TMEM198: variants seen among roughly 807,000 people sequenced by gnomAD.
TMEM198 encodes the protein transmembrane protein 198.
Under a neutral mutation model 31.5 loss-of-function variants are expected in TMEM198, and 21 were observed. The observed-to-expected ratio is 0.67, with a 90% confidence interval of 0.47 to 0.96. TMEM198 has a LOEUF of 0.96. Among genes scored for constraint, TMEM198 ranks in the 40% least tolerant of loss-of-function variants. The pLI, the probability that TMEM198 is intolerant of heterozygous loss-of-function variation, is 0.00. For missense variants in TMEM198, 447 were observed against 499.4 expected, an observed-to-expected ratio of 0.89 and a Z score of 1.00; for synonymous variants, 211 against 223.3, an observed-to-expected ratio of 0.95 and a Z score of 0.49.
Position 219,547,602 on chromosome 2 carries a change from C to G in TMEM198, c.263C>G (p.Thr88Arg). 2.7e-6 allele frequency: 4 copies of G among 1,482,338 alleles called. No homozygotes were observed. In the East Asian group the frequency reaches 7.2e-5, roughly 27 times the overall value. 91.8% of individuals were successfully genotyped at this position (1,482,338 alleles called of 1,614,324 possible). Residue 88 changes from threonine (T) to arginine (R), a missense_variant, in exon 3 of 5, where the codon ACA becomes AGA. Coordinates refer to ENST00000373883, the MANE Select transcript of TMEM198 (RefSeq NM_001005209.3). ...LLCYRERVLE[T>R]QLSAGASAGI... ...TGCTACCGAGAGCGGGTGCTAGAGACACAGCTGAGTGCTGGGGCGAGCGCG... is the reference window on the plus strand; with the variant it reads ...TGCTACCGAGAGCGGGTGCTAGAGAGACAGCTGAGTGCTGGGGCGAGCGCG...
At chr2:219,545,897 GAAC>G (rs1431071913) in intron 2 of TMEM198, among the ~76,000 whole-genome samples, 1 of 152,156 alleles carries the variant, frequency 6.6e-6, no homozygotes, top group African/African-American at 2.4e-5. Flanking sequence ...ACTCTGGGCT[GAAC>G]AACTGAAGAG....
intron 2 of TMEM198, chr2:219,547,304 C>A: frequency 2.2e-6 from 1 of 459,068 alleles, no homozygotes; most frequent in Non-Finnish European, 3.8e-6. Flanking sequence ...CATTGACCAC[C>A]AACAGCCATA....
intron 1 of TMEM198, 135 bp downstream of exon 1, chr2:219,544,512 A>G (rs981426166): frequency 9.8e-6 from 6 of 614,940 alleles, no homozygotes; most frequent in Non-Finnish European, 2.9e-6. Flanking sequence ...TCCACTAGCC[A>G]GGCACTTTTG....
At chr2:219,547,018 T>C (rs900433990) in intron 2 of TMEM198, among the ~76,000 whole-genome samples, 7 of 152,054 alleles carry the variant, frequency 4.6e-5, no homozygotes, top group African/African-American at 1.7e-4. Flanking sequence ...GACCTCATGA[T>C]TCACCCGCCT....
In TMEM198 at chr2:219,547,792, G is replaced by A. The variant is rs774538875; in HGVS notation, c.453G>A (p.Gly151=). 6.3e-7 allele frequency: 1 copy of A among 1,593,114 alleles called. No individual in the cohort carries two copies. The highest frequency in any genetic ancestry group is 8.5e-7 in the Non-Finnish European group (1 of 1,176,128). ...YQPGSVWGPL[G]LLLGGGLLCA... ...CAGGCTCCGTGTGGGGTCCACTGGG[G>A]CTGTTGCTGGGGGGCGGCCTGCTCT... Residue 151 remains glycine (G), a synonymous_variant, in exon 3 of 5, where the codon GGG becomes GGA. Transcript: ENST00000373883.
At chr2:219,544,975 A>G (rs1695362714) in intron 2 of TMEM198, 82 bp downstream of exon 2, 2 of 1,498,882 alleles carry the variant, frequency 1.3e-6, no homozygotes, top group Non-Finnish European at 1.8e-6. Context: ...TCTTCTCTGA[A>G]TCCCTCTACC....
In TMEM198 at chr2:219,547,860, T is replaced by C; in HGVS notation, c.521T>C (p.Leu174Pro). ...CGCTGGCCCCGCCCACTCACCACCC[T>C]GGCCACCGCCGTGACTGGTGCTGCG... ...TLRWPRPLTT[L>P]ATAVTGAALI... is the part of the protein sequence containing the mutation. The change falls in exon 3 of 5, where the codon CTG becomes CCG. Residue 174 changes from leucine (L) to proline (P), a missense_variant. By Grantham distance (98) the Leu-to-Pro change is moderately conservative (BLOSUM62 -3). Transcript: ENST00000373883. 4 of 1,588,808 alleles carry C rather than the reference T, an allele frequency of 2.5e-6. No individual in the cohort carries two copies. The highest frequency in any genetic ancestry group is 2.6e-6 in the Non-Finnish European group (3 of 1,172,838).
At chr2:219,545,001 TC>T in intron 2 of TMEM198, 108 bp downstream of exon 2, 1 of 1,330,584 alleles carries the variant, frequency 7.5e-7, no homozygotes, top group Non-Finnish European at 1.0e-6. Context: ...GAATAATTCT[TC>T]CTTTTCTTTC....
At chr2:219,549,669 G>A (rs1215981083) in intron 4 of TMEM198, 48 bp from the exon 5 acceptor site, 4 of 1,602,510 alleles carry the variant, frequency 2.5e-6, no homozygotes, top group Non-Finnish European at 3.4e-6. Context: ...GTGGCTTTTA[G>A]GGCAGGATTC....
chr2:219,547,480 C>T (rs766617139), intron 2 of TMEM198, 26 bp from the exon 3 acceptor site: 3 of 1,395,954 alleles, frequency 2.1e-6, no homozygotes, highest in African/African-American at 3.0e-5. Context: ...CATCTTGGCC[C>T]CTCACTAGCC....
intron 2 of TMEM198, among the ~76,000 whole-genome samples, chr2:219,545,371 C>T (rs1192985323): frequency 1.3e-5 from 2 of 152,136 alleles, no homozygotes; most frequent in African/African-American, 4.8e-5. Context: ...ACCTGGGATA[C>T]ATATTAGAGT....
At position 219,549,211 on chromosome 2, in the gene TMEM198, C is replaced by T. The variant is rs777206977; in HGVS notation, c.802C>T (p.Arg268Cys). ...GATGCGGATTCGGCAGCAGGAAGAT[C>T]GCAAGGAGAAAAGGCGGAAAAAGAG... ...QLMRIRQQED[R>C]KEKRRKKRPP... is the part of the protein sequence containing the mutation. The change falls in exon 4 of 5, where the codon CGC becomes TGC. Residue 268 changes from arginine (R) to cysteine (C), a missense_variant. Coordinates refer to ENST00000373883, the MANE Select transcript of TMEM198 (RefSeq NM_001005209.3). 5 of 1,613,834 alleles carry T rather than the reference C, an allele frequency of 3.1e-6. No homozygotes were observed. The highest frequency in any genetic ancestry group is 1.1e-5 in the South Asian group (1 of 91,090).
At chr2:219,547,415 C>T (rs1485550285) in intron 2 of TMEM198, 91 bp from the exon 3 acceptor site, 6 of 1,066,084 alleles carry the variant, frequency 5.6e-6, no homozygotes, top group Non-Finnish European at 7.6e-6. Flanking sequence ...CTCTGGTTCC[C>T]CTGGGATCCC....
chr2:219,544,452 G>A, intron 1 of TMEM198, 75 bp downstream of exon 1: 1 of 569,366 alleles, frequency 1.8e-6, no homozygotes, highest in Non-Finnish European at 3.3e-6. Context: ...CTGGCAGCAC[G>A]CTCCCTTCAT....
upstream of TMEM198, chr2:219,543,928 C>T (rs764292601): frequency 5.7e-6 from 2 of 348,338 alleles, no homozygotes; most frequent in African/African-American, 2.3e-5. Flanking sequence ...GAGAGGGAGA[C>T]GCCGGGGGCG....
chr2:219,548,478 C>G (rs1359813753), intron 3 of TMEM198, among the ~76,000 whole-genome samples: 2 of 152,224 alleles, frequency 1.3e-5, no homozygotes, highest in East Asian at 3.9e-4. Context: ...TTAGGGTGGT[C>G]AGGGAAGGCT....
At chr2:219,543,922 G>C (rs993974717), upstream of TMEM198, 5 of 352,418 alleles carry the variant, frequency 1.4e-5, no homozygotes, top group Non-Finnish European at 2.2e-5. Flanking sequence ...GTGCGGGAGA[G>C]GGAGACGCCG....
Position 219,544,205 on chromosome 2 carries a change from G to A in TMEM198, c.-212G>A, listed in dbSNP as rs1276872182. 1 of 462,352 alleles carries A rather than the reference G, an allele frequency of 2.2e-6. No homozygotes were observed. The highest frequency in any genetic ancestry group is 1.5e-5 in the South Asian group (1 of 64,556). 28.6% of individuals were successfully genotyped at this position (462,352 alleles called of 1,614,324 possible). On this transcript the variant is annotated 5_prime_UTR_variant, in exon 1 of 5. Coordinates refer to ENST00000373883, the MANE Select transcript of TMEM198 (RefSeq NM_001005209.3). The stretch of plus-strand genomic sequence containing the variant: ...AGTGCCAGCCGGTGTTGGACGTGGA[G>A]CGGCGCCGCCACCGCGCCGACACCA...
chr2:219,543,792 T>C (rs752719649), upstream of TMEM198: 52 of 447,222 alleles, frequency 1.2e-4, no homozygotes, highest in Non-Finnish European at 1.8e-4. Context: ...CGGCCGCAGC[T>C]GTCCGACGTG....
Sources: gnomAD v4.1 joint callset for allele counts (sites outside exome capture counted in the v4.1 genomes callset) on GRCh38, gnomAD v4.1.1 for gene constraint, MANE v1.5 for transcripts, NCBI Gene and HGNC (gene_info 2026-07-23, HGNC 2026-07-21) for gene names.